GALNT14: variants seen among roughly 807,000 people sequenced by gnomAD.
GALNT14 encodes the protein polypeptide N-acetylgalactosaminyltransferase 14, also known as UDP-GalNAc:polypeptide N-acetylgalactosaminyltransferase 14.
In GALNT14, 60 loss-of-function variants were observed where a neutral mutation model predicts 77.5. The ratio of observed to expected loss-of-function variants is 0.77; its 90% CI spans 0.63 to 0.96. GALNT14 has a LOEUF of 0.96. Ranked by LOEUF, GALNT14 falls within the 40% of genes least tolerant of loss-of-function variation. GALNT14 has a pLI of 0.00. For synonymous variants in GALNT14, 280 were observed against 281.7 expected, an observed-to-expected ratio of 0.99 and a Z score of 0.06; for missense variants, 710 against 731.0, an observed-to-expected ratio of 0.97 and a Z score of 0.33.
intron 1 of GALNT14, among the ~76,000 whole-genome samples, chr2:30,997,009 A>G (rs1377362573): frequency 6.6e-6 from 1 of 152,208 alleles, no homozygotes; most frequent in African/African-American, 2.4e-5. Context: ...AGCACTTTAT[A>G]TTTTATAAGG....
intron 2 of GALNT14, among the ~76,000 whole-genome samples, chr2:30,972,678 T>C (rs1169118578): frequency 2.6e-5 from 4 of 152,328 alleles, no homozygotes; most frequent in Non-Finnish European, 5.9e-5. Context: ...ACTGTTCCAA[T>C]TGTGACTCAG....
intron 2 of GALNT14, among the ~76,000 whole-genome samples, chr2:30,976,810 A>T (rs918195985): frequency 6.6e-6 from 1 of 152,196 alleles, no homozygotes; most frequent in Non-Finnish European, 1.5e-5. Context: ...ATCATACAAC[A>T]GTAATAATAG....
the GALNT14 span, among the ~76,000 whole-genome samples, chr2:30,891,558 C>T: frequency 0.34 from 51,234 of 152,054 alleles, 9,723 homozygotes; most frequent in East Asian, 0.57. Context: ...GAAGCAGCAT[C>T]TTCCAAAGAC....
intron 1 of GALNT14, among the ~76,000 whole-genome samples, chr2:31,103,312 T>C (rs1271678693): frequency 6.6e-6 from 1 of 152,120 alleles, no homozygotes; most frequent in Non-Finnish European, 1.5e-5. Flanking sequence ...ACAAGACTTA[T>C]TAACTCTACA....
chr2:31,088,911 C>T (rs138671813), intron 1 of GALNT14, among the ~76,000 whole-genome samples: 2 of 152,258 alleles, frequency 1.3e-5, no homozygotes, highest in African/African-American at 4.8e-5. Flanking sequence ...GGGCTGCATC[C>T]TCCATTCTAG....
At chr2:31,137,357 G>C (rs981800107) in intron 1 of GALNT14, among the ~76,000 whole-genome samples, 1 of 152,226 alleles carries the variant, frequency 6.6e-6, no homozygotes, top group African/African-American at 2.4e-5. Context: ...CCAATACCAA[G>C]GCGTCTGTTT....
intron 13 of GALNT14, among the ~76,000 whole-genome samples, chr2:30,923,190 G>T (rs1665144080): frequency 6.6e-6 from 1 of 151,090 alleles, no homozygotes; most frequent in Non-Finnish European, 1.5e-5. Flanking sequence ...AGCCCCCTGA[G>T]TAGCTGGGAT....
chr2:30,916,475 G>T (rs866698461), intron 13 of GALNT14, among the ~76,000 whole-genome samples: 1 of 152,206 alleles, frequency 6.6e-6, no homozygotes, highest in Non-Finnish European at 1.5e-5. Context: ...TAGTTGGTGT[G>T]GGTGACCCTG....
chr2:30,946,413 T>C (rs1374423311), intron 6 of GALNT14, among the ~76,000 whole-genome samples: 2 of 152,174 alleles, frequency 1.3e-5, no homozygotes, highest in Admixed American at 6.5e-5. Flanking sequence ...ATAGCGAGTA[T>C]GTTCTTCTTG....
chr2:31,077,519 C>T (rs943193865), intron 1 of GALNT14, among the ~76,000 whole-genome samples: 1 of 152,212 alleles, frequency 6.6e-6, no homozygotes, highest in African/African-American at 2.4e-5. Flanking sequence ...ACTGCTGCTA[C>T]AAACCTCCAA....
At chr2:31,085,887 T>C (rs570065134) in intron 1 of GALNT14, among the ~76,000 whole-genome samples, 1 of 152,208 alleles carries the variant, frequency 6.6e-6, no homozygotes, top group Non-Finnish European at 1.5e-5. Flanking sequence ...CTCACAATCA[T>C]GCAGAAGGCA....
intron 1 of GALNT14, among the ~76,000 whole-genome samples, chr2:31,046,198 C>T (rs977093695): frequency 6.6e-6 from 1 of 150,750 alleles, no homozygotes; most frequent in Non-Finnish European, 1.5e-5. Flanking sequence ...GGGTTTGAAC[C>T]TAAGTTGGCT....
chr2:31,031,389 C>A (rs984827588), intron 1 of GALNT14, among the ~76,000 whole-genome samples: 2 of 152,110 alleles, frequency 1.3e-5, no homozygotes, highest in African/African-American at 2.4e-5. Context: ...CCATTATTTC[C>A]AAACAATTAC....
At chr2:31,061,506 T>C (rs560705983) in intron 1 of GALNT14, among the ~76,000 whole-genome samples, 4 of 152,144 alleles carry the variant, frequency 2.6e-5, no homozygotes, top group Middle Eastern at 6.8e-3. Context: ...ACTATCAGAG[T>C]GATCTTCCTA....
At chr2:31,060,934 C>T (rs928579247) in intron 1 of GALNT14, among the ~76,000 whole-genome samples, 8 of 152,186 alleles carry the variant, frequency 5.3e-5, no homozygotes, top group Non-Finnish European at 1.2e-4. Context: ...CTGATTGGCA[C>T]ACTTTCTTCC....
intron 10 of GALNT14, among the ~76,000 whole-genome samples, chr2:30,930,361 T>C (rs1175652580): frequency 6.6e-6 from 1 of 152,248 alleles, no homozygotes; most frequent in East Asian, 1.9e-4. Flanking sequence ...GCCATGCAGT[T>C]AGCCTGCTGC....
intron 1 of GALNT14, among the ~76,000 whole-genome samples, chr2:31,046,450 G>A (rs1023725437): frequency 6.6e-6 from 1 of 151,992 alleles, no homozygotes; most frequent in Non-Finnish European, 1.5e-5. Context: ...GGATGGTCTC[G>A]ATCTCCTGAC....
At chr2:30,943,823 G>A (rs922313323) in intron 8 of GALNT14, among the ~76,000 whole-genome samples, 2 of 152,160 alleles carry the variant, frequency 1.3e-5, no homozygotes, top group African/African-American at 2.4e-5. Context: ...GGGCCATCAG[G>A]TAGATGAGAC....
At chr2:31,126,368 T>A (rs1678702797) in intron 1 of GALNT14, among the ~76,000 whole-genome samples, 1 of 152,012 alleles carries the variant, frequency 6.6e-6, no homozygotes, top group Non-Finnish European at 1.5e-5. Context: ...AGAGGGTGGG[T>A]GCTCTGGAGG....
Sources: gnomAD v4.1 joint callset for allele counts (sites outside exome capture counted in the v4.1 genomes callset) on GRCh38, gnomAD v4.1.1 for gene constraint, MANE v1.5 for transcripts, NCBI Gene and HGNC (gene_info 2026-07-23, HGNC 2026-07-21) for gene names.